The following LRRN1 variants were observed in gnomAD, a reference collection of about 807,000 sequenced individuals.
LRRN1 encodes the protein leucine-rich repeat neuronal protein 1.
In LRRN1, 14 loss-of-function variants were observed where a neutral mutation model predicts 45.8. The ratio of observed to expected loss-of-function variants is 0.31; its 90% CI spans 0.20 to 0.48. The LOEUF (loss-of-function observed/expected upper bound fraction) is 0.48. Ranked by LOEUF, LRRN1 falls within the 20% of genes least tolerant of loss-of-function variation. The pLI is 0.99. For synonymous variants in LRRN1, 359 were observed against 330.1 expected (o/e 1.09, Z -0.95); for missense variants, 789 against 874.2 (o/e 0.90, Z 1.23).
chr3:3,812,365 C>G (rs922797148), intron 1 of LRRN1, among the ~76,000 whole-genome samples: 4 of 151,402 alleles, frequency 2.6e-5, no homozygotes, highest in African/African-American at 9.8e-5. Flanking sequence ...AAGCCAAAAT[C>G]TGAAGGTCAT....
At chr3:3,827,228 T>G in intron 1 of LRRN1, 1 of 225,482 alleles carries the variant, frequency 4.4e-6, no homozygotes, top group East Asian at 1.0e-4. Flanking sequence ...ACTTAGAAAG[T>G]TTCAATAACT....
chr3:3,821,363 A>G (rs571066793), intron 1 of LRRN1, among the ~76,000 whole-genome samples: 2 of 152,194 alleles, frequency 1.3e-5, no homozygotes, highest in African/African-American at 2.4e-5. Context: ...GTTGCATTAG[A>G]TAGTGCTAAT....
At chr3:3,809,842 A>G (rs957548482) in intron 1 of LRRN1, among the ~76,000 whole-genome samples, 1 of 152,234 alleles carries the variant, frequency 6.6e-6, no homozygotes, top group African/African-American at 2.4e-5. Flanking sequence ...GTACATACTT[A>G]GTATACAGTA....
In LRRN1 at chr3:3,799,854, CCG is replaced by C. The variant is rs1692605318; in HGVS notation, c.-342_-341del. On this transcript the variant is annotated 5_prime_UTR_variant, in exon 1 of 2. Transcript: ENST00000319331. ...CTTTCTCCTCCTCCTGCTGCTGCTG[CCG>C]CCGCCGCCGCCGTGGGTGCCGGGTC... 6.5e-6 allele frequency: 1 copy of C among 153,062 alleles called. No individual in the cohort carries two copies. Among genetic ancestry groups the C allele is most frequent in the African/African-American group, 3.0e-5 (1 of 33,092 alleles). 9.5% of individuals were successfully genotyped at this position (153,062 alleles called of 1,614,324 possible).
chr3:3,807,001 T>C (rs1692775463), intron 1 of LRRN1, among the ~76,000 whole-genome samples: 1 of 152,194 alleles, frequency 6.6e-6, no homozygotes, highest in Non-Finnish European at 1.5e-5. Context: ...ACTCAGATGG[T>C]AGCAGCTTCC....
rs748074123 is a variant in LRRN1, at chr3:3,845,485, G to C, written c.844G>C (p.Asp282His). ...KNPIHKIQEG[D>H]FKNMLRLKEL... ...CCCCATTCACAAAATCCAAGAAGGG[G>C]ACTTCAAAAATATGCTTCGGTTAAA... is the stretch of plus-strand genomic sequence containing the variant. Residue 282 changes from aspartate (D) to histidine (H), a missense_variant, in exon 2 of 2, where the codon GAC (aspartate) becomes CAC (histidine). Asp to His is a moderately conservative substitution (Grantham distance 81). Transcript: ENST00000319331. The surrounding 1 kb of genome is among the most constrained non-coding windows in gnomAD (Gnocchi z 6.5). 1.9e-6 allele frequency: 3 copies of C among 1,614,042 alleles called. No individual in the cohort carries two copies. The highest frequency in any genetic ancestry group is 2.5e-6 in the Non-Finnish European group (3 of 1,180,012).
At chr3:3,828,991 C>CTTTTTTTTTTT (rs386395826) in intron 1 of LRRN1, among the ~76,000 whole-genome samples, 1 of 140,538 alleles carries the variant, frequency 7.1e-6, no homozygotes, top group African/African-American at 2.6e-5. Flanking sequence ...TCTTTTCTTT[C>CTTTTTTTTTTT]TTTTTTTTTT....
chr3:3,804,274 T>G lies in LRRN1; in HGVS notation c.-279+4355T>G, dbSNP rs182804075. 146 of 152,142 alleles carry G rather than the reference T, an allele frequency of 9.6e-4. 1 individual carries two copies. The highest frequency in any genetic ancestry group is 3.4e-3 in the African/African-American group (141 of 41,496). 9.4% of individuals were successfully genotyped at this position (152,142 alleles called of 1,614,324 possible). A position where few individuals can be genotyped will look rare whatever the true frequency, so the allele number is the denominator to read the frequency against. On this transcript the variant is annotated intron_variant, in intron 1 of 1. Coordinates refer to ENST00000319331, the MANE Select transcript of LRRN1 (RefSeq NM_020873.7). ...TTTTGTCATGTATAACATAATCGAG[T>G]TGGGAGAATAACGCTGGAAGGACTA... is the stretch of plus-strand genomic sequence containing the variant.
intron 1 of LRRN1, among the ~76,000 whole-genome samples, chr3:3,813,671 A>T (rs566569131): frequency 1.3e-5 from 2 of 152,182 alleles, no homozygotes; most frequent in Non-Finnish European, 2.9e-5. Flanking sequence ...ATATTTCCAA[A>T]TGCCTGCTGG....
intron 1 of LRRN1, among the ~76,000 whole-genome samples, chr3:3,807,209 T>TA (rs139761073): frequency 0.025 from 3,836 of 152,130 alleles, 136 homozygotes; most frequent in East Asian, 0.15. Context: ...CTTAGCCACT[T>TA]AAAAAAAGAC....
In LRRN1 at chr3:3,846,977, A is replaced by G; in HGVS notation, c.*185A>G. 4.1e-6 allele frequency: 2 copies of G among 487,556 alleles called. No individual in the cohort carries two copies. The highest frequency in any genetic ancestry group is 7.4e-6 in the Non-Finnish European group (2 of 270,474). 30.2% of individuals were successfully genotyped at this position (487,556 alleles called of 1,614,324 possible). A position where few individuals can be genotyped will look rare whatever the true frequency, so the allele number is the denominator to read the frequency against. ...ATCGCAAGGGTTTGACACGGCTGCC[A>G]GCGACTCTAGGCTTCCAGTCTGTGT... On this transcript the variant is annotated 3_prime_UTR_variant, in exon 2 of 2. Transcript: ENST00000319331. The surrounding 1 kb of genome is among the most constrained non-coding windows in gnomAD (Gnocchi z 5.7).
chr3:3,831,182 C>A (rs973307388), intron 1 of LRRN1, among the ~76,000 whole-genome samples: 14 of 152,150 alleles, frequency 9.2e-5, no homozygotes, highest in African/African-American at 3.1e-4. Context: ...AGTAACACAC[C>A]CCAACGAGGA....
At chr3:3,837,094 C>G (rs1693536323) in intron 1 of LRRN1, among the ~76,000 whole-genome samples, 1 of 152,146 alleles carries the variant, frequency 6.6e-6, no homozygotes, top group Admixed American at 6.5e-5. Context: ...TTTCTCTGGA[C>G]TAAATTCCAC....
At chr3:3,800,460 G>A (rs376674498) in intron 1 of LRRN1, among the ~76,000 whole-genome samples, 4 of 152,212 alleles carry the variant, frequency 2.6e-5, no homozygotes, top group African/African-American at 7.2e-5. Context: ...AAAGGGGCAA[G>A]GGGTATAATT....
At chr3:3,832,863 C>A (rs1230814799) in intron 1 of LRRN1, among the ~76,000 whole-genome samples, 1 of 152,152 alleles carries the variant, frequency 6.6e-6, no homozygotes, top group African/African-American at 2.4e-5. Context: ...ATCAATTTCA[C>A]TTCTAGGAAC....
intron 1 of LRRN1, among the ~76,000 whole-genome samples, chr3:3,802,708 G>T (rs926473017): frequency 6.6e-6 from 1 of 152,174 alleles, no homozygotes; most frequent in Non-Finnish European, 1.5e-5. Context: ...AAGTCAGAAA[G>T]TAACAAATCA....
intron 1 of LRRN1, among the ~76,000 whole-genome samples, chr3:3,840,119 A>T (rs1196151161): frequency 6.6e-6 from 1 of 152,120 alleles, no homozygotes; most frequent in Non-Finnish European, 1.5e-5. Flanking sequence ...GACTTTTCAT[A>T]TGTGACTTTT....
At chr3:3,828,869 A>G (rs187318519) in intron 1 of LRRN1, among the ~76,000 whole-genome samples, 23 of 152,268 alleles carry the variant, frequency 1.5e-4, no homozygotes, top group Admixed American at 1.2e-3. Flanking sequence ...TTGTTTCTGC[A>G]CTTGTTTCTG....
chr3:3,804,260 A>G (rs1237179583), intron 1 of LRRN1: 1 of 152,200 alleles, frequency 6.6e-6, no homozygotes, highest in African/African-American at 2.4e-5. Context: ...TTTGTCATGT[A>G]TAACATAATC....
Sources: gnomAD v4.1 joint callset for allele counts (sites outside exome capture counted in the v4.1 genomes callset) on GRCh38, gnomAD v4.1.1 for gene constraint, Gnocchi (gnomAD v3.1) non-coding constraint, MANE v1.5 for transcripts, NCBI Gene and HGNC (gene_info 2026-07-23, HGNC 2026-07-21) for gene names.